TTC27: variants seen among roughly 807,000 people sequenced by gnomAD.
TTC27 encodes the protein tetratricopeptide repeat protein 27.
TTC27 carries 79 observed loss-of-function variants against 115.9 expected under a neutral mutation model. The observed-to-expected ratio is 0.68, with a 90% CI of 0.57 to 0.82. The LOEUF is 0.82. Ranked by LOEUF, TTC27 falls within the 40% of genes least tolerant of loss-of-function variation. The pLI is 0.00. For synonymous variants in TTC27, 401 were observed against 356.0 expected (o/e 1.13, Z -1.42); for missense variants, 1,054 against 993.1 (o/e 1.06, Z -0.82).
At position 32,678,897 on chromosome 2, in the gene TTC27, A is replaced by C; in HGVS notation, c.1094A>C (p.Glu365Ala). Residue 365 changes from glutamate (E) to alanine (A), a missense_variant, in exon 9 of 20, where the codon GAA (glutamate) becomes GCA (alanine). Physicochemically the swap from Glu to Ala is moderately radical, Grantham distance 107. Coordinates refer to ENST00000317907, the MANE Select transcript of TTC27 (RefSeq NM_017735.5). ...AATAACCCAGTGCACACATTAACTG[A>C]AGTGGAGCTTCTGGCATTTACATCA... ...QKNNPVHTLT[E>A]VELLAFTSCL... is the part of the protein sequence containing the mutation. The C allele has an allele frequency of 6.2e-7, 1 of 1,613,516 alleles. No individual in the cohort carries two copies. Among genetic ancestry groups the C allele is most frequent in the South Asian group, 1.1e-5 (1 of 91,024 alleles).
At chr2:32,683,784 A>G (rs1666527679) in intron 9 of TTC27, among the ~76,000 whole-genome samples, 1 of 152,072 alleles carries the variant, frequency 6.6e-6, no homozygotes, top group Non-Finnish European at 1.5e-5. Flanking sequence ...ACATTTAGTA[A>G]TGTTTTTAAT....
In TTC27 at chr2:32,770,152, G is replaced by A. The variant is rs114704160; in HGVS notation, c.1681-7730G>A. ...CAGTTTCTTGGTAACTATCAGTTTT[G>A]GTGGTTTATATTTTATTCAGTTATA... On this transcript the variant is annotated intron_variant, in intron 13 of 19. Transcript: ENST00000317907. 3.1e-3 allele frequency among the ~76,000 whole-genome samples: 479 copies of A among 152,240 alleles called. 1 individual carries two copies. Among genetic ancestry groups the A allele is most frequent in the African/African-American group, 0.011 (454 of 41,544 alleles).
intron 10 of TTC27, among the ~76,000 whole-genome samples, chr2:32,716,829 G>A (rs937278384): frequency 6.6e-6 from 1 of 151,072 alleles, no homozygotes; most frequent in Non-Finnish European, 1.5e-5. Context: ...CAGTAGCTAG[G>A]ACCATAGATA....
intron 7 of TTC27, among the ~76,000 whole-genome samples, chr2:32,668,548 C>T (rs1437743337): frequency 2.9e-5 from 1 of 34,626 alleles, no homozygotes; most frequent in African/African-American, 1.6e-4. Context: ...CTCCCTCCCT[C>T]CCTCCCTCCC....
intron 8 of TTC27, among the ~76,000 whole-genome samples, chr2:32,676,882 CAT>C (rs10664628): frequency 6.6e-6 from 1 of 150,766 alleles, no homozygotes; most frequent in Non-Finnish European, 1.5e-5. Flanking sequence ...AATTACATTC[CAT>C]ATATATATCC....
Position 32,645,583 on chromosome 2 carries a change from T to C in TTC27, c.538-4548T>C, listed in dbSNP as rs535381998. On this transcript the variant is annotated intron_variant, in intron 4 of 19. Transcript: ENST00000317907. ...TATTATTATGCTTTAAGTTTTAGGG[T>C]ACATGTGCACAATGTGCAGGTTTGT... Among the ~76,000 whole-genome samples, 73 of 152,294 alleles carry C rather than the reference T, an allele frequency of 4.8e-4. No homozygotes were observed. The South Asian group carries it at 0.015, about 31-fold the overall frequency.
intron 12 of TTC27, among the ~76,000 whole-genome samples, chr2:32,749,676 G>C (rs1018292074): frequency 2.6e-5 from 4 of 152,206 alleles, no homozygotes; most frequent in Non-Finnish European, 4.4e-5. Context: ...TAGTGTTGAA[G>C]CTAGAATCAA....
rs139904026 is a variant in TTC27, at chr2:32,649,868, T to C, written c.538-263T>C. On this transcript the variant is annotated intron_variant, in intron 4 of 19. Transcript: ENST00000317907. Reference sequence around the variant, plus strand: ...CACAACATATATTTTAAAGGAGGAGTTGGTAAGTTCAAAATGGCATAAGGA... The same window carrying C: ...CACAACATATATTTTAAAGGAGGAGCTGGTAAGTTCAAAATGGCATAAGGA... Among the ~76,000 whole-genome samples the C allele has an allele frequency of 1.2e-4, 18 of 151,232 alleles. No homozygotes were observed. In the East Asian group the frequency reaches 3.5e-3, roughly 30 times the overall value.
chr2:32,667,414 CTTT>C (rs58456949), intron 7 of TTC27, among the ~76,000 whole-genome samples: 2 of 127,034 alleles, frequency 1.6e-5, no homozygotes, highest in Non-Finnish European at 3.3e-5. Context: ...CCCCCAACTA[CTTT>C]TTTTTTTTTT....
At chr2:32,646,205 T>C (rs1572471974) in intron 4 of TTC27, among the ~76,000 whole-genome samples, 1 of 151,868 alleles carries the variant, frequency 6.6e-6, no homozygotes, top group Admixed American at 6.6e-5. Flanking sequence ...ATTTTTTGCA[T>C]TTTTAGTAGA....
intron 13 of TTC27, among the ~76,000 whole-genome samples, chr2:32,763,992 C>T (rs1489183013): frequency 6.6e-6 from 1 of 152,130 alleles, no homozygotes; most frequent in Admixed American, 6.5e-5. Context: ...TGTTAACACT[C>T]TACTTTTATG....
At chr2:32,701,282 C>T (rs184811645) in intron 9 of TTC27, among the ~76,000 whole-genome samples, 70 of 152,346 alleles carry the variant, frequency 4.6e-4, no homozygotes, top group Non-Finnish European at 9.6e-4. Flanking sequence ...CCTCTTCCTT[C>T]ACCATCTCCA....
chr2:32,801,294 A>C (rs1265731789), intron 16 of TTC27, among the ~76,000 whole-genome samples: 1 of 152,240 alleles, frequency 6.6e-6, no homozygotes, highest in Non-Finnish European at 1.5e-5. Flanking sequence ...ACCAGAAGTC[A>C]AGTTCGAAAT....
At chr2:32,765,614 C>G (rs1669601055) in intron 13 of TTC27, among the ~76,000 whole-genome samples, 1 of 152,196 alleles carries the variant, frequency 6.6e-6, no homozygotes, top group African/African-American at 2.4e-5. Flanking sequence ...GCATTGACTT[C>G]TCTCTAGCTA....
intron 12 of TTC27, among the ~76,000 whole-genome samples, chr2:32,751,638 A>C (rs1300264250): frequency 6.6e-6 from 1 of 152,204 alleles, no homozygotes; most frequent in Non-Finnish European, 1.5e-5. Flanking sequence ...CAAAGGGTTA[A>C]CATTAAAGAG....
intron 14 of TTC27, among the ~76,000 whole-genome samples, chr2:32,779,537 G>C (rs529784079): frequency 2.0e-5 from 3 of 150,904 alleles, no homozygotes; most frequent in African/African-American, 7.3e-5. Flanking sequence ...CTATATTCTA[G>C]CTACAAGTCC....
intron 3 of TTC27, 65 bp downstream of exon 3, chr2:32,634,070 T>C: frequency 2.0e-6 from 3 of 1,525,276 alleles, no homozygotes; most frequent in Non-Finnish European, 2.6e-6. Context: ...AAGCAGGTCT[T>C]TATAAACTGG....
intron 10 of TTC27, among the ~76,000 whole-genome samples, chr2:32,721,175 T>A (rs944559726): frequency 1.3e-5 from 2 of 152,214 alleles, no homozygotes; most frequent in Non-Finnish European, 2.9e-5. Flanking sequence ...TGTAAGGTTC[T>A]TGTAATGGAC....
intron 10 of TTC27, among the ~76,000 whole-genome samples, chr2:32,708,301 C>CTTTTTTTTTTTT (rs1159740039): frequency 1.2e-5 from 1 of 80,258 alleles, no homozygotes; most frequent in African/African-American, 5.4e-5. Flanking sequence ...TTTTCTCTAC[C>CTTTTTTTTTTTT]TTGTTTTTTT....
Sources: allele counts gnomAD v4.1 joint callset (sites outside exome capture counted in the v4.1 genomes callset), GRCh38; gene constraint gnomAD v4.1.1; transcripts MANE v1.5; gene names NCBI Gene and HGNC (gene_info 2026-07-23, HGNC 2026-07-21).